Variants in TAF3 observed in about 807,000 individuals in gnomAD.
TAF3 encodes TATA-box binding protein associated factor 3, also known as transcription initiation factor TFIID subunit 3.
TAF3 carries 7 observed loss-of-function variants against 80.6 expected under a neutral mutation model. The observed-to-expected ratio is 0.09, with a 90% confidence interval of 0.05 to 0.16. The LOEUF (loss-of-function observed/expected upper bound fraction) is 0.16. Among genes scored for constraint, TAF3 ranks in the 10% least tolerant of loss-of-function variants. The pLI is 1.00. For missense variants in TAF3, 921 were observed against 1,140.2 expected, an observed-to-expected ratio of 0.81 and a Z score of 2.77; for synonymous variants, 444 against 446.1, an observed-to-expected ratio of 1.00 and a Z score of 0.06.
At chr10:8,011,813 T>G (rs877345) in intron 5 of TAF3, among the ~76,000 whole-genome samples, 5,505 of 152,336 alleles carry the variant, frequency 0.036, 153 homozygotes, top group Non-Finnish European at 0.052. Flanking sequence ...CTAAAAGTTC[T>G]GGTTTTCCAG....
Position 7,899,279 on chromosome 10 carries a change from CAGATGTCTTCTGCCCAAG to C in TAF3, c.410-64640_410-64623del, listed in dbSNP as rs200180608. ...TCTGTTCCTGCCTCCTTCCCTTCCC[CAGATGTCTTCTGCCCAAG>C]GGAAGAAGGAATCGCTGCCTGGCTA... On this transcript the variant is annotated intron_variant, in intron 2 of 6. Transcript: ENST00000344293. Among the ~76,000 whole-genome samples, 26 of 152,262 alleles carry C rather than the reference CAGATGTCTTCTGCCCAAG, an allele frequency of 1.7e-4. 1 individual carries two copies. In the East Asian group the frequency reaches 4.8e-3, roughly 28 times the overall value.
In TAF3 at chr10:7,873,629, C is replaced by CT. The variant is rs373179493; in HGVS notation, c.409+49069_409+49070insT. The stretch of plus-strand genomic sequence containing the variant: ...GACATCCGAGTTCTCCCCCCCCCCC[C>CT]GTCAAAAGGGGGTGTCGAATTTGAG... On this transcript the variant is annotated intron_variant, in intron 2 of 6. Transcript: ENST00000344293. Among the ~76,000 whole-genome samples the CT allele has an allele frequency of 7.0e-4, 100 of 143,286 alleles. 4 individuals are homozygous for CT. Among genetic ancestry groups the CT allele is most frequent in the Middle Eastern group, 7.3e-3 (2 of 274 alleles). 94.0% of individuals were successfully genotyped at this position (143,286 alleles called of 152,430 possible).
chr10:7,877,383 A>G (rs947909565), intron 2 of TAF3, among the ~76,000 whole-genome samples: 1 of 152,186 alleles, frequency 6.6e-6, no homozygotes, highest in Non-Finnish European at 1.5e-5. Context: ...AATATTTTAC[A>G]AACTGTGTAA....
Position 8,014,970 on chromosome 10 carries a change from AGC to A in TAF3, c.*220_*221del. On this transcript the variant is annotated 3_prime_UTR_variant, in exon 7 of 7. Transcript: ENST00000344293. ...TGGCAGTGCGACAGAAGGAAACTCA[AGC>A]AGAGGCGTGGCCTGGGGGCTGCCCC... 2 of 428,106 alleles carry A rather than the reference AGC, an allele frequency of 4.7e-6. No homozygotes were observed. The highest frequency in any genetic ancestry group is 8.5e-6 in the Non-Finnish European group (2 of 234,502). The allele number at this position is 428,106 out of a possible 1,614,324, so 26.5% of individuals were successfully genotyped here.
chr10:7,937,180 G>T (rs539238193), intron 2 of TAF3, among the ~76,000 whole-genome samples: 11 of 152,242 alleles, frequency 7.2e-5, no homozygotes, highest in South Asian at 4.2e-4. Context: ...TAAGTTTTCA[G>T]TTCATTTGGG....
chr10:7,927,762 G>A (rs185048991), intron 2 of TAF3, among the ~76,000 whole-genome samples: 13 of 152,192 alleles, frequency 8.5e-5, no homozygotes, highest in Non-Finnish European at 1.2e-4. Flanking sequence ...GGTACCACCC[G>A]ACCAGATTTA....
chr10:7,932,669 ATTTTT>A (rs34907761), intron 2 of TAF3, among the ~76,000 whole-genome samples: 3 of 78,820 alleles, frequency 3.8e-5, no homozygotes, highest in Non-Finnish European at 6.8e-5. Context: ...GTTCCACTTA[ATTTTT>A]TTTTTTTTTT....
intron 6 of TAF3, 144 bp from the exon 7 acceptor site, chr10:8,014,493 T>C: frequency 4.8e-6 from 3 of 628,692 alleles, no homozygotes; most frequent in South Asian, 4.1e-5. Flanking sequence ...TGCCCAACAA[T>C]AGTGCTACAC....
intron 2 of TAF3, among the ~76,000 whole-genome samples, chr10:7,928,596 G>T (rs1375614704): frequency 6.6e-6 from 1 of 152,136 alleles, no homozygotes; most frequent in African/African-American, 2.4e-5. Flanking sequence ...AAGCTTGTAG[G>T]ATTGCCCTTG....
chr10:7,944,843 A>T (rs936726728), intron 2 of TAF3, among the ~76,000 whole-genome samples: 1 of 152,234 alleles, frequency 6.6e-6, no homozygotes, highest in Non-Finnish European at 1.5e-5. Flanking sequence ...TGGGACAATT[A>T]TTCAGAGTTA....
chr10:7,846,343 A>G (rs996789460), intron 2 of TAF3, among the ~76,000 whole-genome samples: 4 of 152,216 alleles, frequency 2.6e-5, no homozygotes, highest in Non-Finnish European at 4.4e-5. Flanking sequence ...GTAATATAGA[A>G]TACCCATTAT....
At position 7,964,203 on chromosome 10, in the gene TAF3, C is replaced by G; in HGVS notation, c.693C>G (p.Val231=). The G allele has an allele frequency of 6.2e-7, 1 of 1,614,198 alleles. No homozygotes were observed. Among genetic ancestry groups the G allele is most frequent in the Non-Finnish European group, 8.5e-7 (1 of 1,180,040 alleles). The change falls in exon 3 of 7, where the codon GTC becomes GTG. Residue 231 remains valine (V), a synonymous_variant. Transcript: ENST00000344293. This position sits in a 1 kb window ranked among gnomAD's most constrained non-coding sequence, Gnocchi z 4.1. ...TQKIPPMLSP[V]HVQDSTDLAP... is the part of the protein sequence containing the mutation. ...AGATCCCACCAATGCTTTCTCCAGT[C>G]CATGTACAGGACAGTACAGACTTGG... is the stretch of plus-strand genomic sequence containing the variant.
intron 2 of TAF3, among the ~76,000 whole-genome samples, chr10:7,844,086 A>G (rs1304972644): frequency 6.6e-6 from 1 of 152,206 alleles, no homozygotes; most frequent in Non-Finnish European, 1.5e-5. Context: ...TTTGTTCATA[A>G]TTTAGCGTCT....
rs1200740913 is a variant in TAF3 at position 7,824,322 on chromosome 10, C to A, written c.171C>A (p.Gly57=). The A allele has an allele frequency of 2.5e-6, 4 of 1,612,188 alleles. No individual in the cohort carries two copies. The highest frequency in any genetic ancestry group is 3.4e-6 in the Non-Finnish European group (4 of 1,178,604). Residue 57 remains glycine, a synonymous_variant, in exon 2 of 7, where the codon GGC becomes GGA. Transcript: ENST00000344293. The part of the protein sequence containing the change: ...RGCHRYSELY[G]RTDPILDDVG... ...TTGCTTTTCACTTTGTTTCAGATGG[C>A]CGAACAGACCCAATTTTGGATGATG... is the stretch of plus-strand genomic sequence containing the variant.
intron 3 of TAF3, among the ~76,000 whole-genome samples, chr10:7,966,087 A>G (rs1262856696): frequency 6.6e-6 from 1 of 152,194 alleles, no homozygotes; most frequent in Non-Finnish European, 1.5e-5. Context: ...AGTGTACTGC[A>G]TTATATTTTG....
intron 2 of TAF3, among the ~76,000 whole-genome samples, chr10:7,831,693 C>A (rs2131105097): frequency 6.6e-6 from 1 of 152,154 alleles, no homozygotes; most frequent in South Asian, 2.1e-4. Context: ...GCATCTTTGG[C>A]CAGTGGCAGC....
At chr10:7,935,067 A>C (rs1021425370) in intron 2 of TAF3, among the ~76,000 whole-genome samples, 11 of 152,056 alleles carry the variant, frequency 7.2e-5, no homozygotes, top group African/African-American at 2.7e-4. Context: ...ACTTGAGGTC[A>C]GGAGTTCAAG....
intron 2 of TAF3, among the ~76,000 whole-genome samples, chr10:7,922,956 G>A (rs141184021): frequency 1.3e-5 from 2 of 152,074 alleles, no homozygotes; most frequent in African/African-American, 4.8e-5. Context: ...CACTTAAACC[G>A]CTTAATAACA....
chr10:7,923,619 C>G (rs541662909), intron 2 of TAF3, among the ~76,000 whole-genome samples: 10 of 151,434 alleles, frequency 6.6e-5, no homozygotes, highest in African/African-American at 1.9e-4. Flanking sequence ...AAAACCCCTC[C>G]CCCAACAGTT....
Sources: allele counts gnomAD v4.1 joint callset (sites outside exome capture counted in the v4.1 genomes callset), GRCh38; gene constraint gnomAD v4.1.1; non-coding constraint Gnocchi (gnomAD v3.1); transcripts MANE v1.5; gene names NCBI Gene and HGNC (gene_info 2026-07-23, HGNC 2026-07-21).